The following RAPGEF1 variants were observed in gnomAD, a reference collection of about 807,000 sequenced individuals.
RAPGEF1 encodes Rap guanine nucleotide exchange factor 1, also known as CRK SH3-binding GNRP.
In RAPGEF1, 33 loss-of-function variants were observed where a neutral mutation model predicts 143.3. The observed-to-expected ratio is 0.23, with a 90% CI of 0.17 to 0.31. RAPGEF1 has a LOEUF of 0.31. RAPGEF1 is among the 10% of genes least tolerant of loss of function. The pLI, the probability that RAPGEF1 is intolerant of heterozygous loss-of-function variation, is 1.00. For missense variants in RAPGEF1, 1,199 were observed against 1,645.4 expected (o/e 0.73, Z 4.69); for synonymous variants, 629 against 676.5 (o/e 0.93, Z 1.09).
intron 1 of RAPGEF1, among the ~76,000 whole-genome samples, chr9:131,682,406 A>G (rs532583556): frequency 6.6e-6 from 1 of 152,314 alleles, no homozygotes; most frequent in South Asian, 2.1e-4. Flanking sequence ...GTCTGTCAGT[A>G]GATTTATGCT....
intron 1 of RAPGEF1, among the ~76,000 whole-genome samples, chr9:131,659,557 T>C (rs1039163154): frequency 1.3e-5 from 2 of 152,108 alleles, no homozygotes; most frequent in African/African-American, 4.8e-5. Context: ...GCCACTAACC[T>C]GGGCAAACTT....
At chr9:131,606,470 C>T (rs981082634) in intron 12 of RAPGEF1, among the ~76,000 whole-genome samples, 5 of 152,026 alleles carry the variant, frequency 3.3e-5, no homozygotes, top group African/African-American at 1.2e-4. Context: ...CACTGGCCCA[C>T]TACAGAGGCA....
At chr9:131,658,976 T>G (rs964843763) in intron 1 of RAPGEF1, among the ~76,000 whole-genome samples, 2 of 152,164 alleles carry the variant, frequency 1.3e-5, no homozygotes, top group African/African-American at 4.8e-5. Context: ...TCTCTAAACA[T>G]CAACCACACG....
intron 5 of RAPGEF1, among the ~76,000 whole-genome samples, chr9:131,637,408 T>C (rs990203190): frequency 9.2e-5 from 14 of 152,158 alleles, no homozygotes; most frequent in African/African-American, 2.4e-4. Context: ...CTGGAGCAAT[T>C]TGCAATGCTG....
At chr9:131,625,323 TTA>T (rs1962631337) in intron 10 of RAPGEF1, among the ~76,000 whole-genome samples, 1 of 152,168 alleles carries the variant, frequency 6.6e-6, no homozygotes, top group African/African-American at 2.4e-5. Context: ...CTTATTACTT[TTA>T]TGACAGATTT....
chr9:131,625,871 C>A, intron 10 of RAPGEF1, 51 bp downstream of exon 10: 1 of 1,504,044 alleles, frequency 6.6e-7, no homozygotes, highest in Non-Finnish European at 8.9e-7. Flanking sequence ...AACATACTGC[C>A]ATTTCAGGTT....
rs540724877 is a variant in RAPGEF1, at chr9:131,650,646, A to T, written c.201+164T>A. Among the ~76,000 whole-genome samples the T allele has an allele frequency of 6.6e-6, 1 of 152,318 alleles. No individual in the cohort carries two copies. The highest frequency in any genetic ancestry group is 6.5e-5 in the Admixed American group (1 of 15,296). ...AACGTGGCAAACACTCACCATCCTA[A>T]TGGTTCTTATTTTACAAGGACACCA... On this transcript the variant is annotated intron_variant, in intron 2 of 26. Transcript: ENST00000683357. This position sits in a 1 kb window ranked among gnomAD's most constrained non-coding sequence, Gnocchi z 4.7.
chr9:131,735,524 C>G (rs1837357426), intron 1 of RAPGEF1, among the ~76,000 whole-genome samples: 1 of 152,196 alleles, frequency 6.6e-6, no homozygotes, highest in South Asian at 2.1e-4. Context: ...CACTGAGTCC[C>G]CAGAGCCTTG....
intron 1 of RAPGEF1, among the ~76,000 whole-genome samples, chr9:131,721,252 T>C (rs942275615): frequency 6.6e-6 from 1 of 152,118 alleles, no homozygotes; most frequent in African/African-American, 2.4e-5. Context: ...AATCAGGACA[T>C]TTCGAAGGGG....
intron 1 of RAPGEF1, among the ~76,000 whole-genome samples, chr9:131,682,734 A>T (rs1833021009): frequency 6.6e-6 from 1 of 152,212 alleles, no homozygotes. Context: ...AACAAGGCAA[A>T]GCAGCTTATT....
At chr9:131,668,640 C>A (rs760146844) in intron 1 of RAPGEF1, among the ~76,000 whole-genome samples, 1 of 152,144 alleles carries the variant, frequency 6.6e-6, no homozygotes, top group South Asian at 2.1e-4. Context: ...CCTGTCCCCA[C>A]GGTGGCCTAC....
chr9:131,657,788 C>A (rs1376837169), intron 1 of RAPGEF1, among the ~76,000 whole-genome samples: 1 of 152,224 alleles, frequency 6.6e-6, no homozygotes. Context: ...ACATCTCTTC[C>A]CTACAGGCAG....
At position 131,621,724 on chromosome 9, in the gene RAPGEF1, A is replaced by G. The variant is rs138924701; in HGVS notation, c.1905+72T>C. The G allele has an allele frequency of 9.2e-3, 13,471 of 1,460,720 alleles. 175 individuals are homozygous for G. The highest frequency in any genetic ancestry group is 9.0e-3 in the Non-Finnish European group (9,711 of 1,076,440). 90.5% of individuals were successfully genotyped at this position (1,460,720 alleles called of 1,614,324 possible). The stretch of plus-strand genomic sequence containing the variant: ...GGGAGGAGGGTTAACCCTGCCCCCA[A>G]GGAGGGTCATTCTGGTTCCTAGAGA... On this transcript the variant is annotated intron_variant, in intron 11 of 26. Coordinates refer to ENST00000683357, the MANE Select transcript of RAPGEF1 (RefSeq NM_001377935.1). This position sits in a 1 kb window ranked among gnomAD's most constrained non-coding sequence, Gnocchi z 4.5.
At chr9:131,668,663 G>A (rs1290695521) in intron 1 of RAPGEF1, among the ~76,000 whole-genome samples, 6 of 152,182 alleles carry the variant, frequency 3.9e-5, no homozygotes, top group South Asian at 2.1e-4. Context: ...CCAGGGAAGC[G>A]TTTCTTTTCC....
chr9:131,641,796 A>G lies in RAPGEF1; in HGVS notation c.494+1443T>C, dbSNP rs1235205044. ...AAGCATGCCCTGCCTCCTTCCCGTC[A>G]CCAACCAGCGCCAGCGAGCTTCTGG... is the stretch of plus-strand genomic sequence containing the variant. On this transcript the variant is annotated intron_variant, in intron 4 of 26. Coordinates refer to ENST00000683357, the MANE Select transcript of RAPGEF1 (RefSeq NM_001377935.1). The surrounding 1 kb of genome is among the most constrained non-coding windows in gnomAD (Gnocchi z 4.6). Among the ~76,000 whole-genome samples the G allele has an allele frequency of 6.6e-6, 1 of 152,248 alleles. No homozygotes were observed. Among genetic ancestry groups the G allele is most frequent in the Non-Finnish European group, 1.5e-5 (1 of 68,042 alleles).
At chr9:131,670,619 G>A (rs965272554) in intron 1 of RAPGEF1, among the ~76,000 whole-genome samples, 3 of 152,124 alleles carry the variant, frequency 2.0e-5, no homozygotes, top group African/African-American at 4.8e-5. Flanking sequence ...AAGACCTCCC[G>A]GCTGTGCTAG....
intron 20 of RAPGEF1, 71 bp from the exon 21 acceptor site, chr9:131,588,097 G>C: frequency 7.6e-7 from 1 of 1,308,834 alleles, no homozygotes; most frequent in Non-Finnish European, 1.1e-6. Flanking sequence ...GCAGGCCCGG[G>C]CTGCGGGCGT....
At chr9:131,637,276 A>C (rs1966629892) in intron 5 of RAPGEF1, among the ~76,000 whole-genome samples, 1 of 151,702 alleles carries the variant, frequency 6.6e-6, no homozygotes, top group Non-Finnish European at 1.5e-5. Flanking sequence ...GAAAATATTG[A>C]TGTCATCTAG....
At chr9:131,611,045 C>A (rs566895838) in intron 12 of RAPGEF1, among the ~76,000 whole-genome samples, 60 of 152,352 alleles carry the variant, frequency 3.9e-4, no homozygotes, top group African/African-American at 1.4e-3. Context: ...GGGGCAACTC[C>A]TTTTCCTTGA....
Sources: allele counts gnomAD v4.1 joint callset (sites outside exome capture counted in the v4.1 genomes callset), GRCh38; gene constraint gnomAD v4.1.1; non-coding constraint Gnocchi (gnomAD v3.1); transcripts MANE v1.5; gene names NCBI Gene and HGNC (gene_info 2026-07-23, HGNC 2026-07-21).